TOMM20: variants seen among roughly 807,000 people sequenced by gnomAD.
TOMM20 encodes the protein translocase of outer mitochondrial membrane 20, also known as mitochondrial import receptor subunit TOM20 homolog.
A neutral mutation model predicts 22.1 loss-of-function variants in TOMM20; 10 were observed. The ratio of observed to expected loss-of-function variants is 0.45; its 90% CI spans 0.28 to 0.77. TOMM20 has a LOEUF of 0.77. Among genes scored for constraint, TOMM20 ranks in the 30% least tolerant of loss-of-function variants. The probability of loss-of-function intolerance (pLI) is 0.13; values close to 1 mark genes in which losing one functional copy is unlikely to be tolerated. For missense variants in TOMM20, 121 were observed against 172.2 expected (o/e 0.70, Z 1.66); for synonymous variants, 55 against 61.4 (o/e 0.90, Z 0.49).
At chr1:235,124,165 G>A (rs1050066275) in intron 1 of TOMM20, among the ~76,000 whole-genome samples, 14 of 152,176 alleles carry the variant, frequency 9.2e-5, no homozygotes, top group South Asian at 6.2e-4. Flanking sequence ...TGGTTGATAC[G>A]GTGAAACCCC....
In TOMM20 at chr1:235,122,335, C is replaced by T; in HGVS notation, c.159G>A (p.Gly53=). The change falls in exon 2 of 5, where the codon GGG becomes GGA. Residue 53 remains glycine (G), a synonymous_variant. Transcript: ENST00000366607. ...KKQKLAKERA[G]LSKLPDLKDA... ...GAAACCAGACTATTACCTTGGAAAG[C>T]CCAGCTCTCTCCTTGGCAAGCTTCT... The T allele has an allele frequency of 6.4e-7, 1 of 1,555,716 alleles. No individual in the cohort carries two copies. The highest frequency in any genetic ancestry group is 8.7e-7 in the Non-Finnish European group (1 of 1,152,974).
At chr1:235,127,104 A>G (rs1426189905) in intron 1 of TOMM20, among the ~76,000 whole-genome samples, 1 of 152,222 alleles carries the variant, frequency 6.6e-6, no homozygotes, top group African/African-American at 2.4e-5. Context: ...AGATAGGGTT[A>G]ATCCATTCTT....
intron 3 of TOMM20, among the ~76,000 whole-genome samples, chr1:235,118,494 G>A (rs1660873521): frequency 6.6e-6 from 1 of 152,146 alleles, no homozygotes; most frequent in South Asian, 2.1e-4. Context: ...CCTGACTGGT[G>A]CCTATCTTGT....
chr1:235,116,918 A>G (rs73112766), intron 3 of TOMM20, among the ~76,000 whole-genome samples: 32,832 of 149,282 alleles, frequency 0.22, 3,715 homozygotes, highest in African/African-American at 0.24. Context: ...GGCGGATCAC[A>G]AGGTCAGGAG....
intron 3 of TOMM20, among the ~76,000 whole-genome samples, chr1:235,118,331 G>A (rs1320208489): frequency 6.6e-6 from 1 of 152,228 alleles, no homozygotes; most frequent in African/African-American, 2.4e-5. Flanking sequence ...ATCAAACCCA[G>A]TGTTATGCGA....
Position 235,115,066 on chromosome 1 carries a change from G to A in TOMM20, c.251-1156C>T, listed in dbSNP as rs572977347. ...GCTAATTTTTTTTTTTTGTAGAAAC[G>A]GGGTCTCACTATGTTGCTCAGCCTG... On this transcript the variant is annotated intron_variant, in intron 3 of 4. Coordinates refer to ENST00000366607, the MANE Select transcript of TOMM20 (RefSeq NM_014765.3). Among the ~76,000 whole-genome samples, 30 of 151,096 alleles carry A rather than the reference G, an allele frequency of 2.0e-4. No homozygotes were observed. In the South Asian group the frequency reaches 3.1e-3, roughly 16 times the overall value.
At chr1:235,115,543 C>T (rs764936427) in intron 3 of TOMM20, among the ~76,000 whole-genome samples, 6 of 152,136 alleles carry the variant, frequency 3.9e-5, no homozygotes, top group Non-Finnish European at 8.8e-5. Context: ...AGGAGAATTG[C>T]TTGAACCCGG....
At position 235,119,787 on chromosome 1, in the gene TOMM20, C is replaced by G. The variant is rs575524599; in HGVS notation, c.250+31G>C. On this transcript the variant is annotated intron_variant, in intron 3 of 4. Transcript: ENST00000366607. ...ATTTCTATCAGTGAGAAAAATTCTA[C>G]CCATTTCCTTAGCTTTTCAATGACT... The G allele has an allele frequency of 8.2e-5, 121 of 1,467,640 alleles. No homozygotes were observed. The South Asian group carries it at 1.2e-3, about 14-fold the overall frequency. 90.9% of individuals were successfully genotyped at this position (1,467,640 alleles called of 1,614,324 possible).
At chr1:235,113,688 C>G in intron 4 of TOMM20, 80 bp downstream of exon 4, 1 of 1,487,824 alleles carries the variant, frequency 6.7e-7, no homozygotes, top group South Asian at 1.3e-5. Context: ...ATCATGTTCA[C>G]TAGGCTCATT....
intron 1 of TOMM20, among the ~76,000 whole-genome samples, chr1:235,123,205 G>C (rs1572130957): frequency 6.6e-6 from 1 of 152,128 alleles, no homozygotes; most frequent in East Asian, 1.9e-4. Flanking sequence ...AGAGGTCTGA[G>C]GGCCGGGCCC....
chr1:235,127,109 A>G (rs969023753), intron 1 of TOMM20, among the ~76,000 whole-genome samples: 1 of 152,218 alleles, frequency 6.6e-6, no homozygotes, highest in Non-Finnish European at 1.5e-5. Context: ...GGGTTAATCC[A>G]TTCTTTATAA....
Position 235,128,833 on chromosome 1 carries a change from G to C in TOMM20, c.-118C>G. ...CCGACGGCCGCGGGCCAGGAACACA[G>C]AAAGGCCGAGCACACGCCACTTCCG... On this transcript the variant is annotated 5_prime_UTR_variant, in exon 1 of 5. Coordinates refer to ENST00000366607, the MANE Select transcript of TOMM20 (RefSeq NM_014765.3). 2.0e-6 allele frequency: 3 copies of C among 1,510,348 alleles called. No homozygotes were observed. The highest frequency in any genetic ancestry group is 1.4e-5 in the African/African-American group (1 of 72,300). The allele number at this position is 1,510,348 out of a possible 1,614,324, so 93.6% of individuals were successfully genotyped here.
chr1:235,128,805 C>T lies in TOMM20; in HGVS notation c.-90G>A. ...CCCTCAGAGCGGTCGGCGCAGCTCA[C>T]ACCCGACGGCCGCGGGCCAGGAACA... On this transcript the variant is annotated 5_prime_UTR_variant, in exon 1 of 5. The change creates a new upstream start codon in the 5' untranslated region. Coordinates refer to ENST00000366607, the MANE Select transcript of TOMM20 (RefSeq NM_014765.3). The T allele has an allele frequency of 6.4e-7, 1 of 1,569,798 alleles. No homozygotes were observed. The highest frequency in any genetic ancestry group is 1.1e-5 in the South Asian group (1 of 88,036).
chr1:235,127,884 C>G (rs956198961), intron 1 of TOMM20: 1 of 519,064 alleles, frequency 1.9e-6, no homozygotes, highest in African/African-American at 1.9e-5. Context: ...ATAGCATTCA[C>G]TCATATCTTG....
At chr1:235,119,297 C>G (rs1451489689) in intron 3 of TOMM20, 1 of 152,152 alleles carries the variant, frequency 6.6e-6, no homozygotes, top group Non-Finnish European at 1.5e-5. Flanking sequence ...AATTCTGGAT[C>G]AGATAACAAG....
At position 235,122,360 on chromosome 1, in the gene TOMM20, T is replaced by C; in HGVS notation, c.134A>G (p.Gln45Arg). ...KNRLRERRKK[Q>R]KLAKERAGLS... ...CCCAGCTCTCTCCTTGGCAAGCTTCTGTTTCTTTCTTCCTGCAAGAAATGC... is the reference window on the plus strand; with the variant it reads ...CCCAGCTCTCTCCTTGGCAAGCTTCCGTTTCTTTCTTCCTGCAAGAAATGC... Residue 45 changes from glutamine (Q) to arginine (R), a missense_variant, in exon 2 of 5, where the codon CAG (glutamine) becomes CGG (arginine). Physicochemically the swap from Gln to Arg is conservative, Grantham distance 43. Coordinates refer to ENST00000366607, the MANE Select transcript of TOMM20 (RefSeq NM_014765.3). 8.9e-6 allele frequency: 14 copies of C among 1,572,150 alleles called. No homozygotes were observed. Among genetic ancestry groups the C allele is most frequent in the Non-Finnish European group, 1.2e-5 (14 of 1,161,870 alleles).
At chr1:235,112,189 T>A in intron 4 of TOMM20, 81 bp from the exon 5 acceptor site, 5 of 1,112,934 alleles carry the variant, frequency 4.5e-6, no homozygotes, top group Non-Finnish European at 6.5e-6. Context: ...ATGCTCTTTG[T>A]ATTCAAAGAA....
intron 3 of TOMM20, among the ~76,000 whole-genome samples, chr1:235,118,159 A>C (rs940927062): frequency 2.0e-5 from 3 of 152,166 alleles, no homozygotes; most frequent in Non-Finnish European, 2.9e-5. Context: ...ACACTGACAC[A>C]ACCTCAGTTG....
chr1:235,127,782 C>T (rs895871833), intron 1 of TOMM20: 1 of 499,004 alleles, frequency 2.0e-6, no homozygotes, highest in African/African-American at 2.0e-5. Context: ...CACGATTCCC[C>T]TCTGGTAGAC....
Sources: allele counts gnomAD v4.1 joint callset (sites outside exome capture counted in the v4.1 genomes callset), GRCh38; gene constraint gnomAD v4.1.1; transcripts MANE v1.5; gene names NCBI Gene and HGNC (gene_info 2026-07-23, HGNC 2026-07-21).